The following LRP5 variants were observed in gnomAD, a reference collection of about 807,000 sequenced individuals.
The protein encoded by LRP5 is low-density lipoprotein receptor-related protein 5.
A neutral mutation model predicts 154.1 loss-of-function variants in LRP5; 62 were observed. The observed-to-expected ratio is 0.40, with a 90% CI of 0.33 to 0.50. The LOEUF is 0.50. LRP5 is among the 20% of genes least tolerant of loss of function. The probability of loss-of-function intolerance (pLI) is 0.55; values close to 1 mark genes in which losing one functional copy is unlikely to be tolerated. For missense variants in LRP5, 1,915 were observed against 2,336.7 expected, an observed-to-expected ratio of 0.82 and a Z score of 3.72; for synonymous variants, 966 against 1,011.5, an observed-to-expected ratio of 0.96 and a Z score of 0.85.
chr11:68,447,413 G>A lies in LRP5; in HGVS notation c.4586+880G>A, dbSNP rs143437886. ...CCTGCCACCTAGTGGCCATTTCCAC[G>A]AACTCCCAGGCCTGGCTGGGGAGCC... On this transcript the variant is annotated intron_variant, in intron 22 of 22. Transcript: ENST00000294304. This position sits in a 1 kb window ranked among gnomAD's most constrained non-coding sequence, Gnocchi z 4.3. Among the ~76,000 whole-genome samples the A allele has an allele frequency of 4.6e-3, 696 of 152,236 alleles. 6 individuals are homozygous for A. The highest frequency in any genetic ancestry group is 7.1e-3 in the Non-Finnish European group (483 of 68,008).
intron 1 of LRP5, among the ~76,000 whole-genome samples, chr11:68,318,807 A>G (rs2098595020): frequency 6.6e-6 from 1 of 152,202 alleles, no homozygotes; most frequent in Non-Finnish European, 1.5e-5. Context: ...CCCCATTGCA[A>G]GAATCCAGGG....
chr11:68,327,972 G>A (rs937537939), intron 1 of LRP5, among the ~76,000 whole-genome samples: 39 of 152,196 alleles, frequency 2.6e-4, no homozygotes, highest in African/African-American at 8.7e-4. Context: ...AATCAAAGCT[G>A]ATCGTCAACA....
intron 1 of LRP5, among the ~76,000 whole-genome samples, chr11:68,314,963 G>A (rs568302264): frequency 2.0e-5 from 3 of 152,340 alleles, no homozygotes; most frequent in East Asian, 1.9e-4. Context: ...TTTGGAACCC[G>A]TTTAATTTCA....
chr11:68,437,081 T>A, intron 19 of LRP5, 82 bp downstream of exon 19: 1 of 1,193,854 alleles, frequency 8.4e-7, no homozygotes. Context: ...GAGACGTGCC[T>A]TTCCAGCGGG....
chr11:68,325,387 CT>C (rs1467190300), intron 1 of LRP5, among the ~76,000 whole-genome samples: 1 of 152,254 alleles, frequency 6.6e-6, no homozygotes, highest in East Asian at 1.9e-4. Flanking sequence ...CCGCCTCTTG[CT>C]TTGTGTTAGT....
intron 1 of LRP5, among the ~76,000 whole-genome samples, chr11:68,336,845 G>T (rs972300393): frequency 2.0e-5 from 3 of 152,204 alleles, no homozygotes; most frequent in Non-Finnish European, 4.4e-5. Context: ...GTGAAGTTCA[G>T]TGGCATTAAG....
chr11:68,425,849 C>A, intron 15 of LRP5, 129 bp from the exon 16 acceptor site: 1 of 812,334 alleles, frequency 1.2e-6, no homozygotes, highest in Non-Finnish European at 2.0e-6. Context: ...CTGCAGCTCC[C>A]ACCCCTGTCC....
At chr11:68,395,353 G>GC (rs1051179177) in intron 7 of LRP5, among the ~76,000 whole-genome samples, 152 of 151,840 alleles carry the variant, frequency 1.0e-3, no homozygotes, top group Non-Finnish European at 1.7e-3. Context: ...GAAGTGGGGG[G>GC]GCGTCACAGT....
the LRP5 span, among the ~76,000 whole-genome samples, chr11:68,301,683 T>C: frequency 7.6e-5 from 11 of 145,044 alleles, 2 homozygotes; most frequent in South Asian, 2.1e-4. Context: ...AGTGCAGTGG[T>C]GTGATCTCGG....
At chr11:68,326,708 C>T (rs1379558428) in intron 1 of LRP5, among the ~76,000 whole-genome samples, 2 of 152,248 alleles carry the variant, frequency 1.3e-5, no homozygotes, top group Non-Finnish European at 2.9e-5. Flanking sequence ...GCAGACCCTG[C>T]GAAGCCTTGA....
rs145472704 is a variant in LRP5 at position 68,447,171 on chromosome 11, C to T, written c.4586+638C>T. Reference sequence around the variant, plus strand: ...GGTGGGACCCAGGTGTGCTGGTCTCCGCAGGGGCTGGATCAGAGCCTGGGA... The same window carrying T: ...GGTGGGACCCAGGTGTGCTGGTCTCTGCAGGGGCTGGATCAGAGCCTGGGA... On this transcript the variant is annotated intron_variant, in intron 22 of 22. Transcript: ENST00000294304. The surrounding 1 kb of genome is among the most constrained non-coding windows in gnomAD (Gnocchi z 4.3). 350 of 159,804 alleles carry T rather than the reference C, an allele frequency of 2.2e-3. 2 individuals carry two copies. Among genetic ancestry groups the T allele is most frequent in the Middle Eastern group, 0.02 (6 of 302 alleles). 9.9% of individuals were successfully genotyped at this position (159,804 alleles called of 1,614,324 possible).
intron 5 of LRP5, among the ~76,000 whole-genome samples, chr11:68,368,111 A>G (rs1178681369): frequency 6.6e-6 from 1 of 151,910 alleles, no homozygotes; most frequent in African/African-American, 2.4e-5. Context: ...AGTCTGAAAA[A>G]GGTGGAGCAT....
In LRP5 at chr11:68,425,310, T is replaced by C; in HGVS notation, c.3427+18T>C. 6.3e-7 allele frequency: 1 copy of C among 1,596,732 alleles called. No homozygotes were observed. The highest frequency in any genetic ancestry group is 2.2e-5 in the East Asian group (1 of 44,498). The stretch of plus-strand genomic sequence containing the variant: ...CCTGTCAGGTACGCGCCCCGGGGCC[T>C]GCCCTAACCGCAGACACCCGGCCTT... On this transcript the variant is annotated intron_variant, in intron 15 of 22. Transcript: ENST00000294304.
chr11:68,321,587 G>A (rs1182877993), intron 1 of LRP5, among the ~76,000 whole-genome samples: 1 of 152,126 alleles, frequency 6.6e-6, no homozygotes, highest in East Asian at 1.9e-4. Flanking sequence ...TGACATTTGT[G>A]GAAGGCTCTG....
chr11:68,351,182 C>T (rs2098618195), intron 2 of LRP5, among the ~76,000 whole-genome samples: 2 of 152,192 alleles, frequency 1.3e-5, no homozygotes, highest in Non-Finnish European at 2.9e-5. Context: ...CCTCGTGCCC[C>T]CACTACCTGA....
rs1334328861 is a variant in LRP5, at chr11:68,356,961, AG to A, written c.489-688del. Among the ~76,000 whole-genome samples, 7 of 141,630 alleles carry A rather than the reference AG, an allele frequency of 4.9e-5. No individual in the cohort carries two copies. In the Admixed American group the frequency reaches 5.1e-4, roughly 10 times the overall value. The allele number at this position is 141,630 out of a possible 152,430, so 92.9% of individuals were successfully genotyped here. On this transcript the variant is annotated intron_variant, in intron 2 of 22. Coordinates refer to ENST00000294304, the MANE Select transcript of LRP5 (RefSeq NM_002335.4). The stretch of plus-strand genomic sequence containing the variant: ...TTTCTTTTTTTTTTTTTTGAGATGG[AG>A]TCTCGCTCTGTCGCCCAGGATGGAG...
chr11:68,439,998 C>T, intron 21 of LRP5, 82 bp downstream of exon 21: 1 of 1,343,954 alleles, frequency 7.4e-7, no homozygotes, highest in Middle Eastern at 2.7e-4. Flanking sequence ...CCGGAGGCTT[C>T]CCGGGTTCCT....
intron 21 of LRP5, among the ~76,000 whole-genome samples, chr11:68,441,462 C>T (rs1030861975): frequency 1.1e-4 from 17 of 152,174 alleles, no homozygotes; most frequent in Admixed American, 1.1e-3. Context: ...GTTTCCTGGA[C>T]AGTAACTGAG....
chr11:68,438,573 G>C lies in LRP5; in HGVS notation c.4239G>C (p.Gln1413His). 2.5e-6 allele frequency: 4 copies of C among 1,614,140 alleles called. No homozygotes were observed. The highest frequency in any genetic ancestry group is 1.1e-5 in the South Asian group (1 of 91,088). Residue 1413 changes from glutamine to histidine, a missense_variant, in exon 20 of 23, where the codon CAG becomes CAC. Gln to His is a conservative substitution (Grantham distance 24). Transcript: ENST00000294304. Reference sequence around the variant, plus strand: ...TTGTGTGCCAGCGCGTGGTGTGCCAGCGCTATGCGGGGGCCAACGGGCCCT... The same window carrying C: ...TTGTGTGCCAGCGCGTGGTGTGCCACCGCTATGCGGGGGCCAACGGGCCCT... ...VYFVCQRVVCQRYAGANGPFP... is the reference protein window; with the variant it reads ...VYFVCQRVVCHRYAGANGPFP...
Sources: allele counts gnomAD v4.1 joint callset (sites outside exome capture counted in the v4.1 genomes callset), GRCh38; gene constraint gnomAD v4.1.1; non-coding constraint Gnocchi (gnomAD v3.1); transcripts MANE v1.5; gene names NCBI Gene and HGNC (gene_info 2026-07-23, HGNC 2026-07-21).